Variants in CLVS1 observed in about 807,000 individuals in gnomAD.
CLVS1 encodes clavesin-1.
CLVS1 carries 10 observed loss-of-function variants against 33.1 expected under a neutral mutation model. That is an observed-to-expected ratio of 0.30 (90% CI 0.19 to 0.51). The LOEUF (loss-of-function observed/expected upper bound fraction) is 0.51, where lower values mean the gene tolerates loss of function less well. Ranked by LOEUF, CLVS1 falls within the 20% of genes least tolerant of loss-of-function variation. The pLI, the probability that CLVS1 is intolerant of heterozygous loss-of-function variation, is 0.97. For missense variants in CLVS1, 343 were observed against 433.4 expected (o/e 0.79, Z 1.85); for synonymous variants, 163 against 166.1 (o/e 0.98, Z 0.14).
At chr8:61,131,299 G>T (rs1475193441) in intron 1 of CLVS1, among the ~76,000 whole-genome samples, 2 of 152,228 alleles carry the variant, frequency 1.3e-5, no homozygotes, top group Non-Finnish European at 2.9e-5. Flanking sequence ...TGACTGGAGT[G>T]GGTCAGATGT....
intron 2 of CLVS1, among the ~76,000 whole-genome samples, chr8:61,135,053 T>C (rs1441663519): frequency 1.3e-5 from 2 of 151,590 alleles, no homozygotes; most frequent in East Asian, 1.9e-4. Flanking sequence ...CACACAAGGC[T>C]TTGAGTGGCA....
chr8:61,215,698 G>A (rs1463532457), intron 2 of CLVS1, among the ~76,000 whole-genome samples: 1 of 82,524 alleles, frequency 1.2e-5, no homozygotes, highest in Admixed American at 1.2e-4. Context: ...GTGTGTGTGT[G>A]TGTGTGTGTG....
intron 3 of CLVS1, among the ~76,000 whole-genome samples, chr8:61,447,894 A>C (rs1768125440): frequency 1.3e-5 from 2 of 152,084 alleles, no homozygotes; most frequent in Non-Finnish European, 2.9e-5. Flanking sequence ...GTTATTTTAT[A>C]ATTTCCTTCC....
chr8:61,354,753 A>G (rs1327937373), intron 2 of CLVS1, among the ~76,000 whole-genome samples: 1 of 152,186 alleles, frequency 6.6e-6, no homozygotes, highest in Non-Finnish European at 1.5e-5. Context: ...TTCAATTTCT[A>G]TAACATTTTC....
At chr8:61,139,581 G>C (rs1354921902) in intron 2 of CLVS1, among the ~76,000 whole-genome samples, 1 of 152,116 alleles carries the variant, frequency 6.6e-6, no homozygotes, top group Non-Finnish European at 1.5e-5. Flanking sequence ...AAGGACCCAG[G>C]GCCCGTGCAG....
intron 2 of CLVS1, among the ~76,000 whole-genome samples, chr8:61,373,532 A>C (rs1255337175): frequency 6.6e-6 from 1 of 152,200 alleles, no homozygotes; most frequent in Non-Finnish European, 1.5e-5. Flanking sequence ...TGTGTTGAAA[A>C]GATGTGCCAG....
intron 2 of CLVS1, among the ~76,000 whole-genome samples, chr8:61,241,365 T>C (rs1230328513): frequency 6.6e-6 from 1 of 152,176 alleles, no homozygotes; most frequent in Non-Finnish European, 1.5e-5. Flanking sequence ...CATCCTTGCA[T>C]TTCTGAGATA....
At chr8:61,430,113 C>T (rs1563549937) in intron 3 of CLVS1, among the ~76,000 whole-genome samples, 1 of 152,178 alleles carries the variant, frequency 6.6e-6, no homozygotes, top group Admixed American at 6.5e-5. Context: ...GAAGCCAGTG[C>T]ACTTTTTTTA....
chr8:61,469,584 C>T (rs1035441251), intron 5 of CLVS1, among the ~76,000 whole-genome samples: 1 of 152,226 alleles, frequency 6.6e-6, no homozygotes, highest in Non-Finnish European at 1.5e-5. Context: ...CCTTGGTGAT[C>T]TTTGAGCATG....
chr8:60,988,427 G>A, the CLVS1 span, among the ~76,000 whole-genome samples: 1 of 151,906 alleles, frequency 6.6e-6, no homozygotes, highest in Non-Finnish European at 1.5e-5. Flanking sequence ...CCGTGGGCCC[G>A]GGTTCCTCAT....
intron 2 of CLVS1, among the ~76,000 whole-genome samples, chr8:61,352,495 G>T (rs895853423): frequency 1.3e-5 from 2 of 151,966 alleles, no homozygotes; most frequent in African/African-American, 4.8e-5. Context: ...AGTGGATTAA[G>T]AAATCAAGCT....
chr8:61,202,869 T>C, intron 2 of CLVS1: 2 of 915,336 alleles, frequency 2.2e-6, no homozygotes, highest in Non-Finnish European at 3.4e-6. Flanking sequence ...ATGATGATGA[T>C]GAAGATGATG....
At chr8:61,012,592 G>T in the CLVS1 span, among the ~76,000 whole-genome samples, 1 of 152,176 alleles carries the variant, frequency 6.6e-6, no homozygotes, top group East Asian at 1.9e-4. Context: ...ACATTTCAGC[G>T]TGCATGACAT....
intron 2 of CLVS1, among the ~76,000 whole-genome samples, chr8:61,310,386 CT>C (rs1810789994): frequency 6.6e-6 from 1 of 152,200 alleles, no homozygotes; most frequent in South Asian, 2.1e-4. Flanking sequence ...GGTCATACAG[CT>C]GGCAAGTGGC....
At chr8:61,107,239 C>T (rs911737253) in intron 1 of CLVS1, among the ~76,000 whole-genome samples, 2 of 152,190 alleles carry the variant, frequency 1.3e-5, no homozygotes, top group South Asian at 4.1e-4. Context: ...CTGAAATCTT[C>T]CTTCTCACTG....
the CLVS1 span, among the ~76,000 whole-genome samples, chr8:61,041,935 C>T: frequency 2.0e-5 from 3 of 152,128 alleles, no homozygotes; most frequent in East Asian, 1.9e-4. Context: ...TACTGGGCTG[C>T]GGAAACTTAA....
At chr8:61,442,173 G>A (rs930751066) in intron 3 of CLVS1, among the ~76,000 whole-genome samples, 1 of 152,078 alleles carries the variant, frequency 6.6e-6, no homozygotes, top group Non-Finnish European at 1.5e-5. Flanking sequence ...TTTCAATAAT[G>A]TCATATAAAT....
chr8:61,130,602 C>CTTTGT (rs1216389993), intron 1 of CLVS1, among the ~76,000 whole-genome samples: 14 of 152,078 alleles, frequency 9.2e-5, no homozygotes, highest in African/African-American at 3.1e-4. Context: ...ATTTGTTTTG[C>CTTTGT]TTTGTTTTGT....
chr8:61,374,471 A>AT (rs1813564490), intron 2 of CLVS1, among the ~76,000 whole-genome samples: 2 of 152,172 alleles, frequency 1.3e-5, no homozygotes, highest in Admixed American at 6.5e-5. Context: ...TCCATTTGGA[A>AT]TTGCCTAAAT....
Sources: gnomAD v4.1 joint callset for allele counts (sites outside exome capture counted in the v4.1 genomes callset) on GRCh38, gnomAD v4.1.1 for gene constraint, MANE v1.5 for transcripts, NCBI Gene and HGNC (gene_info 2026-07-23, HGNC 2026-07-21) for gene names.